EPHA6: variants seen among roughly 807,000 people sequenced by gnomAD.
The protein encoded by EPHA6 is ephrin type-A receptor 6.
EPHA6 carries 50 observed loss-of-function variants against 112.0 expected under a neutral mutation model. The ratio of observed to expected loss-of-function variants is 0.45; its 90% CI spans 0.36 to 0.56. The LOEUF is 0.56. Among genes scored for constraint, EPHA6 ranks in the 20% least tolerant of loss-of-function variants. EPHA6 has a pLI of 0.00. For missense variants in EPHA6, 1,280 were observed against 1,417.4 expected (o/e 0.90, Z 1.56); for synonymous variants, 529 against 490.7 (o/e 1.08, Z -1.03).
chr3:97,696,649 C>T (rs1229048830), intron 14 of EPHA6, among the ~76,000 whole-genome samples: 2 of 152,136 alleles, frequency 1.3e-5, no homozygotes, highest in Non-Finnish European at 2.9e-5. Context: ...AGAATGTATT[C>T]TTCTAGCAAA....
chr3:96,951,914 G>A (rs2041553142), intron 2 of EPHA6, among the ~76,000 whole-genome samples: 1 of 152,052 alleles, frequency 6.6e-6, no homozygotes. Flanking sequence ...AATTAGCATG[G>A]TCTCCAGGAA....
chr3:97,082,354 G>A (rs772380530), intron 3 of EPHA6, among the ~76,000 whole-genome samples: 8 of 151,840 alleles, frequency 5.3e-5, no homozygotes, highest in African/African-American at 9.7e-5. Context: ...GCTAAATAGC[G>A]TGTTATTTAT....
At chr3:97,304,062 CA>C (rs1180044697) in intron 5 of EPHA6, among the ~76,000 whole-genome samples, 4 of 151,804 alleles carry the variant, frequency 2.6e-5, no homozygotes, top group African/African-American at 4.8e-5. Context: ...TTGGTGTATA[CA>C]AATGCTTGTG....
intron 5 of EPHA6, among the ~76,000 whole-genome samples, chr3:97,367,843 T>C (rs1304876721): frequency 6.6e-6 from 1 of 152,136 alleles, no homozygotes; most frequent in Non-Finnish European, 1.5e-5. Context: ...CAGTGAAAAG[T>C]TGGTCTCTAC....
chr3:96,992,383 C>T (rs985563837), intron 3 of EPHA6, among the ~76,000 whole-genome samples: 4 of 152,252 alleles, frequency 2.6e-5, no homozygotes, highest in African/African-American at 7.2e-5. Flanking sequence ...TATTTGCTTA[C>T]AGTTTCTACA....
chr3:96,841,954 C>T (rs191750259), intron 1 of EPHA6, among the ~76,000 whole-genome samples: 9 of 152,014 alleles, frequency 5.9e-5, no homozygotes, highest in Admixed American at 2.6e-4. Flanking sequence ...ATTCTTCTTA[C>T]CATCATCCAC....
At chr3:97,105,635 T>C (rs192404256) in intron 3 of EPHA6, among the ~76,000 whole-genome samples, 1 of 152,090 alleles carries the variant, frequency 6.6e-6, no homozygotes, top group African/African-American at 2.4e-5. Flanking sequence ...CTGTTGGTTT[T>C]GGGTGGAGAG....
chr3:97,146,012 C>G (rs2076036820), intron 3 of EPHA6, among the ~76,000 whole-genome samples: 1 of 151,666 alleles, frequency 6.6e-6, no homozygotes, highest in Non-Finnish European at 1.5e-5. Flanking sequence ...ATGACATACA[C>G]ACTGCCATAT....
chr3:96,861,729 A>G (rs757810114), intron 1 of EPHA6, among the ~76,000 whole-genome samples: 2 of 152,136 alleles, frequency 1.3e-5, no homozygotes, highest in African/African-American at 4.8e-5. Flanking sequence ...ACCACAAAAA[A>G]TAAGAATAAC....
chr3:97,254,491 AT>A (rs1209324836), intron 5 of EPHA6, among the ~76,000 whole-genome samples: 1 of 152,138 alleles, frequency 6.6e-6, no homozygotes, highest in Admixed American at 6.5e-5. Flanking sequence ...CCCGGCCTTA[AT>A]TATATTTAAA....
At chr3:97,127,234 A>G (rs890488191) in intron 3 of EPHA6, among the ~76,000 whole-genome samples, 2 of 152,184 alleles carry the variant, frequency 1.3e-5, no homozygotes, top group African/African-American at 4.8e-5. Flanking sequence ...TCTAATGGTA[A>G]TAAACTGGGA....
intron 5 of EPHA6, among the ~76,000 whole-genome samples, chr3:97,400,774 C>A (rs1305032436): frequency 6.6e-6 from 1 of 151,594 alleles, no homozygotes; most frequent in Non-Finnish European, 1.5e-5. Flanking sequence ...TTCTATCCTG[C>A]AGCTTTTCTG....
chr3:97,007,681 T>C (rs2043936965), intron 3 of EPHA6, among the ~76,000 whole-genome samples: 5 of 152,212 alleles, frequency 3.3e-5, no homozygotes, highest in African/African-American at 1.2e-4. Flanking sequence ...CTAGTTGATG[T>C]AGTTTCTTCA....
chr3:97,079,739 C>T (rs547425001), intron 3 of EPHA6, among the ~76,000 whole-genome samples: 1 of 151,648 alleles, frequency 6.6e-6, no homozygotes, highest in South Asian at 2.1e-4. Flanking sequence ...AGGAAGAGTC[C>T]ATTGATGCAG....
intron 5 of EPHA6, among the ~76,000 whole-genome samples, chr3:97,310,096 C>G (rs1264853860): frequency 6.6e-6 from 1 of 151,314 alleles, no homozygotes; most frequent in East Asian, 1.9e-4. Flanking sequence ...CTTCCGTGGC[C>G]TTTTTCAAAA....
At chr3:97,073,777 T>C in intron 3 of EPHA6, among the ~76,000 whole-genome samples, 1 of 152,158 alleles carries the variant, frequency 6.6e-6, no homozygotes, top group Non-Finnish European at 1.5e-5. Flanking sequence ...AAAGATTATT[T>C]CTATTTATAG....
chr3:97,218,917 C>T (rs2078111260), intron 3 of EPHA6, among the ~76,000 whole-genome samples: 1 of 152,084 alleles, frequency 6.6e-6, no homozygotes, highest in Non-Finnish European at 1.5e-5. Context: ...TGGGTAAATA[C>T]ACCCATTCCA....
chr3:97,482,110 T>A (rs1025854946), intron 9 of EPHA6, among the ~76,000 whole-genome samples: 11 of 152,340 alleles, frequency 7.2e-5, no homozygotes, highest in African/African-American at 2.6e-4. Context: ...GGTTGTTTAT[T>A]TTCCTCTTTA....
chr3:97,114,627 A>G (rs1576512745), intron 3 of EPHA6, among the ~76,000 whole-genome samples: 1 of 152,176 alleles, frequency 6.6e-6, no homozygotes, highest in East Asian at 1.9e-4. Context: ...CCCATTTAAG[A>G]CATATATAGC....
Sources: allele counts gnomAD v4.1 joint callset (sites outside exome capture counted in the v4.1 genomes callset), GRCh38; gene constraint gnomAD v4.1.1; transcripts MANE v1.5; gene names NCBI Gene and HGNC (gene_info 2026-07-23, HGNC 2026-07-21).